SEMA3A: variants seen among roughly 807,000 people sequenced by gnomAD.
SEMA3A encodes semaphorin-3A.
A neutral mutation model predicts 97.9 loss-of-function variants in SEMA3A; 29 were observed. The observed-to-expected ratio is 0.30, with a 90% CI of 0.22 to 0.40. The LOEUF (loss-of-function observed/expected upper bound fraction) is 0.40, where lower values mean the gene tolerates loss of function less well. Among genes scored for constraint, SEMA3A ranks in the 10% least tolerant of loss-of-function variants. SEMA3A has a pLI of 1.00. For missense variants in SEMA3A, 763 were observed against 951.3 expected, an observed-to-expected ratio of 0.80 and a Z score of 2.60; for synonymous variants, 321 against 323.7, an observed-to-expected ratio of 0.99 and a Z score of 0.09.
At chr7:84,223,444 A>T (rs1051914700) in intron 3 of SEMA3A, among the ~76,000 whole-genome samples, 3 of 151,846 alleles carry the variant, frequency 2.0e-5, no homozygotes, top group Non-Finnish European at 4.4e-5. Flanking sequence ...CAAAGTTCAA[A>T]TCTTACTGAT....
intron 1 of SEMA3A, among the ~76,000 whole-genome samples, chr7:84,458,561 A>G (rs1389947332): frequency 6.6e-6 from 1 of 151,992 alleles, no homozygotes; most frequent in Non-Finnish European, 1.5e-5. Flanking sequence ...TGCACCTGAA[A>G]GTTAGATTTC....
intron 14 of SEMA3A, among the ~76,000 whole-genome samples, chr7:83,979,256 C>T (rs1789295990): frequency 6.6e-6 from 1 of 151,914 alleles, no homozygotes; most frequent in African/African-American, 2.4e-5. Flanking sequence ...GCCTCAGCCT[C>T]CCAAATAGCT....
chr7:84,350,853 G>T (rs2116023396), intron 2 of SEMA3A, among the ~76,000 whole-genome samples: 1 of 152,144 alleles, frequency 6.6e-6, no homozygotes, highest in East Asian at 1.9e-4. Flanking sequence ...GCTTCTTCAT[G>T]TAACCGTTGA....
At chr7:84,312,397 G>T (rs934968229) in intron 2 of SEMA3A, among the ~76,000 whole-genome samples, 2 of 151,618 alleles carry the variant, frequency 1.3e-5, no homozygotes, top group Non-Finnish European at 3.0e-5. Flanking sequence ...AGTGGTAAAA[G>T]ATCATCCCTG....
intron 3 of SEMA3A, among the ~76,000 whole-genome samples, chr7:84,270,382 G>T (rs1226982853): frequency 6.6e-6 from 1 of 151,896 alleles, no homozygotes; most frequent in Non-Finnish European, 1.5e-5. Context: ...GGGAGTGAAT[G>T]AAGTTGAAAA....
intron 6 of SEMA3A, among the ~76,000 whole-genome samples, chr7:84,028,952 C>T (rs1197907176): frequency 6.6e-6 from 1 of 152,092 alleles, no homozygotes. Flanking sequence ...TTAATTCTGT[C>T]ACATTTCAAC....
intron 4 of SEMA3A, among the ~76,000 whole-genome samples, chr7:84,075,739 G>T (rs1363601889): frequency 6.6e-6 from 1 of 152,136 alleles, no homozygotes; most frequent in Non-Finnish European, 1.5e-5. Flanking sequence ...TTACAGAAAG[G>T]AGCCACTGTG....
At chr7:84,283,024 A>AT (rs36114095) in intron 3 of SEMA3A, among the ~76,000 whole-genome samples, 12 of 151,264 alleles carry the variant, frequency 7.9e-5, no homozygotes, top group African/African-American at 1.5e-4. Context: ...AAAAAAAAGC[A>AT]TTTTTTTTTA....
rs73376807 is a variant in SEMA3A at position 83,985,612 on chromosome 7, T to C, written c.1453-135A>G. 7.3e-4 allele frequency: 514 copies of C among 704,408 alleles called. 3 individuals are homozygous for C. The African/African-American group carries it at 8.5e-3, about 12-fold the overall frequency. 43.6% of individuals were successfully genotyped at this position (704,408 alleles called of 1,614,324 possible). On this transcript the variant is annotated intron_variant, in intron 12 of 16. Transcript: ENST00000265362. ...CACAAGAAGCAATGTGACTGGGAAA[T>C]AAGACACATAAAGAAACTGCATAGA...
At chr7:84,022,638 A>T (rs1050268680) in intron 6 of SEMA3A, among the ~76,000 whole-genome samples, 1 of 152,258 alleles carries the variant, frequency 6.6e-6, no homozygotes, top group Non-Finnish European at 1.5e-5. Flanking sequence ...TTTGTGAAGC[A>T]GAAAGTCATT....
At chr7:84,220,375 G>A (rs747509662) in intron 3 of SEMA3A, among the ~76,000 whole-genome samples, 26 of 151,998 alleles carry the variant, frequency 1.7e-4, no homozygotes, top group Non-Finnish European at 2.8e-4. Context: ...GATTGGAATC[G>A]ACTTCTTCCA....
At chr7:84,052,745 C>T (rs1204306385) in intron 5 of SEMA3A, among the ~76,000 whole-genome samples, 1 of 150,096 alleles carries the variant, frequency 6.7e-6, no homozygotes, top group African/African-American at 2.4e-5. Flanking sequence ...TATTTCTTGC[C>T]TTCTGCTAGC....
chr7:84,486,115 C>A (rs536920446), intron 1 of SEMA3A, among the ~76,000 whole-genome samples: 1 of 152,102 alleles, frequency 6.6e-6, no homozygotes, highest in South Asian at 2.1e-4. Context: ...ACAGGCCAGG[C>A]GTGGTGGCTC....
In SEMA3A at chr7:84,067,562, A is replaced by C. The variant is rs747882712; in HGVS notation, c.454-7004T>G. Among the ~76,000 whole-genome samples, 669 of 152,298 alleles carry C rather than the reference A, an allele frequency of 4.4e-3. 1 individual carries two copies. Among genetic ancestry groups the C allele is most frequent in the Non-Finnish European group, 7.3e-3 (494 of 68,028 alleles). On this transcript the variant is annotated intron_variant, in intron 4 of 16. Coordinates refer to ENST00000265362, the MANE Select transcript of SEMA3A (RefSeq NM_006080.3). Reference sequence around the variant, plus strand: ...AATATCCAGAATCTACATTGAACTCAAACAAATTTACAAGAAAAAAACAAA... The same window carrying C: ...AATATCCAGAATCTACATTGAACTCCAACAAATTTACAAGAAAAAAACAAA...
chr7:84,185,805 GT>G (rs1797863987), intron 1 of SEMA3A, among the ~76,000 whole-genome samples: 2 of 151,442 alleles, frequency 1.3e-5, no homozygotes, highest in African/African-American at 4.8e-5. Context: ...TAATAAAAGT[GT>G]TTTCTACATC....
intron 1 of SEMA3A, among the ~76,000 whole-genome samples, chr7:84,377,008 A>G (rs1408751224): frequency 1.3e-5 from 2 of 152,116 alleles, no homozygotes; most frequent in East Asian, 3.9e-4. Flanking sequence ...GCTGTGCAGA[A>G]GCTTTTCAGT....
chr7:84,486,067 A>G (rs1025048707), intron 1 of SEMA3A, among the ~76,000 whole-genome samples: 2 of 152,184 alleles, frequency 1.3e-5, no homozygotes, highest in Admixed American at 6.5e-5. Context: ...TCTAAAGGGG[A>G]AAATAGGCAT....
At position 83,989,502 on chromosome 7, in the gene SEMA3A, A is replaced by G. The variant is rs528941748; in HGVS notation, c.1453-4025T>C. On this transcript the variant is annotated intron_variant, in intron 12 of 16. Coordinates refer to ENST00000265362, the MANE Select transcript of SEMA3A (RefSeq NM_006080.3). ...CCCACCACAGTCTCCAGAGTGTGAT[A>G]TTCCCCTTCCTGTGTCCATGTGATC... 4.4e-4 allele frequency among the ~76,000 whole-genome samples: 60 copies of G among 135,008 alleles called. 1 individual carries two copies. The highest frequency in any genetic ancestry group is 1.6e-3 in the African/African-American group (56 of 35,898). 88.6% of individuals were successfully genotyped at this position (135,008 alleles called of 152,430 possible).
intron 1 of SEMA3A, among the ~76,000 whole-genome samples, chr7:84,164,446 T>C (rs1363383701): frequency 3.3e-5 from 5 of 152,120 alleles, no homozygotes; most frequent in Non-Finnish European, 5.9e-5. Context: ...TTCTTTATCA[T>C]TCCCTGGATG....
Sources: allele counts gnomAD v4.1 joint callset (sites outside exome capture counted in the v4.1 genomes callset), GRCh38; gene constraint gnomAD v4.1.1; transcripts MANE v1.5; gene names NCBI Gene and HGNC (gene_info 2026-07-23, HGNC 2026-07-21).